CWC27: variants seen among roughly 807,000 people sequenced by gnomAD.
CWC27 encodes the protein spliceosome-associated protein CWC27 homolog.
A neutral mutation model predicts 63.6 loss-of-function variants in CWC27; 47 were observed. The ratio of observed to expected loss-of-function variants is 0.74; its 90% CI spans 0.58 to 0.94. The LOEUF (loss-of-function observed/expected upper bound fraction) is 0.94, where lower values mean the gene tolerates loss of function less well. Among genes scored for constraint, CWC27 ranks in the 40% least tolerant of loss-of-function variants. The pLI is 0.00. For synonymous variants in CWC27, 175 were observed against 179.8 expected (o/e 0.97, Z 0.22); for missense variants, 495 against 554.3 (o/e 0.89, Z 1.07).
intron 3 of CWC27, among the ~76,000 whole-genome samples, chr5:64,782,240 G>C (rs189321700): frequency 2.1e-4 from 32 of 152,028 alleles, no homozygotes; most frequent in Admixed American, 6.6e-5. Flanking sequence ...TTGAGGTCGG[G>C]AGTTTGAGAC....
At chr5:64,889,485 G>A (rs1186351427) in intron 11 of CWC27, among the ~76,000 whole-genome samples, 2 of 152,162 alleles carry the variant, frequency 1.3e-5, no homozygotes, top group Non-Finnish European at 2.9e-5. Context: ...CCAATTTTGG[G>A]TGAAGCTAAT....
At chr5:64,977,083 A>T in intron 12 of CWC27, 52 bp from the exon 13 acceptor site, 1 of 1,099,930 alleles carries the variant, frequency 9.1e-7, no homozygotes, top group Non-Finnish European at 1.3e-6. Flanking sequence ...CATCTCTTTT[A>T]AAATTATATT....
At chr5:64,807,946 A>T in intron 10 of CWC27, 2 of 1,413,044 alleles carry the variant, frequency 1.4e-6, no homozygotes, top group Non-Finnish European at 9.2e-7. Context: ...CTCACCTACC[A>T]CTCCACTGAA....
chr5:64,860,395 G>A (rs537601204), intron 10 of CWC27, among the ~76,000 whole-genome samples: 5 of 152,280 alleles, frequency 3.3e-5, no homozygotes, highest in Non-Finnish European at 5.9e-5. Context: ...TACCCCGACT[G>A]TTGGGGCTAA....
At chr5:64,843,772 T>G (rs936302088) in intron 10 of CWC27, among the ~76,000 whole-genome samples, 1 of 152,216 alleles carries the variant, frequency 6.6e-6, no homozygotes, top group African/African-American at 2.4e-5. Flanking sequence ...TTTATAGTGC[T>G]GGAAAATCAA....
intron 10 of CWC27, among the ~76,000 whole-genome samples, chr5:64,857,912 C>T (rs890702615): frequency 6.6e-6 from 1 of 150,884 alleles, no homozygotes; most frequent in East Asian, 1.9e-4. Flanking sequence ...CCGAGGCGGG[C>T]GGATCACGAG....
At chr5:64,934,407 C>T (rs1748302792) in intron 11 of CWC27, among the ~76,000 whole-genome samples, 1 of 152,202 alleles carries the variant, frequency 6.6e-6, no homozygotes, top group African/African-American at 2.4e-5. Flanking sequence ...CCAGCTTCAT[C>T]CATGTCCCTG....
intron 11 of CWC27, among the ~76,000 whole-genome samples, chr5:64,901,912 C>T (rs1044283699): frequency 4.6e-5 from 7 of 152,060 alleles, no homozygotes; most frequent in African/African-American, 1.2e-4. Context: ...CCTAAGCCAA[C>T]ACAGGGTCAA....
chr5:64,950,188 T>C (rs893462750), intron 11 of CWC27, among the ~76,000 whole-genome samples: 3 of 152,004 alleles, frequency 2.0e-5, no homozygotes, highest in Non-Finnish European at 2.9e-5. Flanking sequence ...ATTCTACTTA[T>C]GCCTTACATT....
intron 10 of CWC27, among the ~76,000 whole-genome samples, chr5:64,876,432 G>A (rs916961896): frequency 1.3e-5 from 2 of 152,008 alleles, no homozygotes; most frequent in Non-Finnish European, 2.9e-5. Flanking sequence ...ATCAGATGTT[G>A]GGAAATAGCA....
At chr5:64,951,919 T>G (rs1748718287) in intron 11 of CWC27, among the ~76,000 whole-genome samples, 1 of 151,954 alleles carries the variant, frequency 6.6e-6, no homozygotes, top group Non-Finnish European at 1.5e-5. Flanking sequence ...GTTTATAAAA[T>G]GTATTTATGA....
rs531712104 is a variant in CWC27, at chr5:64,870,657, C to T, written c.939-14786C>T. Among the ~76,000 whole-genome samples the T allele has an allele frequency of 2.0e-5, 3 of 152,002 alleles. No individual in the cohort carries two copies. In the South Asian group the frequency reaches 6.2e-4, roughly 32 times the overall value. On this transcript the variant is annotated intron_variant, in intron 10 of 13. Transcript: ENST00000381070. ...TTCAAGGAAAATTATTTGAAATATTCCCCTCAAAAAAGAAACTTCTTTTTT... is the reference window on the plus strand; with the variant it reads ...TTCAAGGAAAATTATTTGAAATATTTCCCTCAAAAAAGAAACTTCTTTTTT...
chr5:64,826,464 T>C (rs1007817621), intron 10 of CWC27, among the ~76,000 whole-genome samples: 20 of 152,192 alleles, frequency 1.3e-4, no homozygotes, highest in South Asian at 2.1e-4. Context: ...GAATGTGTAT[T>C]CTGCTGTGGT....
At chr5:64,879,925 G>T (rs1746895612) in intron 10 of CWC27, among the ~76,000 whole-genome samples, 1 of 151,696 alleles carries the variant, frequency 6.6e-6, no homozygotes, top group African/African-American at 2.4e-5. Context: ...TAGTTACCTT[G>T]CCCCACTTTA....
At chr5:64,887,177 G>A (rs914041030) in intron 11 of CWC27, among the ~76,000 whole-genome samples, 5 of 151,878 alleles carry the variant, frequency 3.3e-5, no homozygotes, top group Non-Finnish European at 5.9e-5. Context: ...TGAAAGAAAT[G>A]CAATAGGTAT....
At chr5:64,925,920 A>AT (rs1235059418) in intron 11 of CWC27, among the ~76,000 whole-genome samples, 1 of 151,858 alleles carries the variant, frequency 6.6e-6, no homozygotes, top group African/African-American at 2.4e-5. Context: ...TGCTTATGGG[A>AT]TTTTTGTCCT....
At chr5:64,867,906 A>G (rs1279948926) in intron 10 of CWC27, among the ~76,000 whole-genome samples, 1 of 150,542 alleles carries the variant, frequency 6.6e-6, no homozygotes, top group Non-Finnish European at 1.5e-5. Context: ...AGATAAATCC[A>G]GAACCCATTT....
intron 10 of CWC27, among the ~76,000 whole-genome samples, chr5:64,870,482 TAAAA>T (rs372653084): frequency 2.1e-5 from 1 of 48,332 alleles, no homozygotes; most frequent in Non-Finnish European, 4.1e-5. Context: ...TTAAATTGGT[TAAAA>T]AAAAAAAAAA....
At chr5:64,998,742 A>C (rs1749681947) in intron 13 of CWC27, among the ~76,000 whole-genome samples, 1 of 151,928 alleles carries the variant, frequency 6.6e-6, no homozygotes, top group Non-Finnish European at 1.5e-5. Context: ...TTCAAAAGTC[A>C]GTTTCCATTT....
Sources: gnomAD v4.1 joint callset for allele counts (sites outside exome capture counted in the v4.1 genomes callset) on GRCh38, gnomAD v4.1.1 for gene constraint, MANE v1.5 for transcripts, NCBI Gene and HGNC (gene_info 2026-07-23, HGNC 2026-07-21) for gene names.